The following HELB variants were observed in gnomAD, a reference collection of about 807,000 sequenced individuals.
HELB encodes the protein DNA 5'-3' helicase B.
A neutral mutation model predicts 101.7 loss-of-function variants in HELB; 96 were observed. The ratio of observed to expected loss-of-function variants is 0.94; its 90% CI spans 0.80 to 1.12. The LOEUF (loss-of-function observed/expected upper bound fraction) is 1.12, where lower values mean the gene tolerates loss of function less well. Ranked by LOEUF, HELB falls within the 50% of genes most tolerant of loss-of-function variation. HELB has a pLI of 0.00. For synonymous variants in HELB, 437 were observed against 459.7 expected (o/e 0.95, Z 0.63); for missense variants, 1,210 against 1,291.9 (o/e 0.94, Z 0.97).
intron 1 of HELB, 29 bp downstream of exon 1, chr12:66,302,819 G>C (rs1340132172): frequency 6.4e-7 from 1 of 1,568,870 alleles, no homozygotes; most frequent in Non-Finnish European, 8.7e-7. Flanking sequence ...CGGGGGATGG[G>C]GTTGGAGGGT....
intron 3 of HELB, among the ~76,000 whole-genome samples, chr12:66,308,187 C>T (rs1252789064): frequency 4.6e-5 from 7 of 152,088 alleles, no homozygotes; most frequent in African/African-American, 1.4e-4. Context: ...TTACTGCTTC[C>T]CACCCTAGCA....
chr12:66,327,115 A>G (rs899226418), intron 11 of HELB, among the ~76,000 whole-genome samples: 1 of 148,362 alleles, frequency 6.7e-6, no homozygotes, highest in African/African-American at 2.5e-5. Context: ...GTGAAAAATA[A>G]GGATGATAAA....
rs374925671 is a variant in HELB, at chr12:66,310,649, C to A, written c.1680+41C>A. 2.6e-6 allele frequency: 4 copies of A among 1,557,674 alleles called. No homozygotes were observed. The South Asian group carries it at 3.6e-5, about 14-fold the overall frequency. The stretch of plus-strand genomic sequence containing the variant: ...TTTCATCTGTAGATAAAACATTTGT[C>A]GGCCGGGCACAGTGGCTCACGCCTG... On this transcript the variant is annotated intron_variant, in intron 4 of 12. Coordinates refer to ENST00000247815, the MANE Select transcript of HELB (RefSeq NM_001370285.1).
chr12:66,314,802 G>T (rs2053583472), intron 5 of HELB, among the ~76,000 whole-genome samples: 1 of 152,024 alleles, frequency 6.6e-6, no homozygotes, highest in Non-Finnish European at 1.5e-5. Context: ...TTTGTTGCAT[G>T]CAAAAAATAT....
In HELB at chr12:66,310,518, G is replaced by A. The variant is rs754546915; in HGVS notation, c.1590G>A (p.Lys530=). The part of the protein sequence containing the change: ...FTEQSQLEAD[K]AIEVLLTAPT... The stretch of plus-strand genomic sequence containing the variant: ...AGCAAAGTCAACTAGAGGCGGACAA[G>A]GCTATAGAAGTTTTGCTCACAGCAC... The change falls in exon 4 of 13, where the codon AAG becomes AAA. Residue 530 remains lysine, a synonymous_variant. Coordinates refer to ENST00000247815, the MANE Select transcript of HELB (RefSeq NM_001370285.1). 1.2e-6 allele frequency: 2 copies of A among 1,614,236 alleles called. No individual in the cohort carries two copies. Among genetic ancestry groups the A allele is most frequent in the South Asian group, 2.2e-5 (2 of 91,088 alleles).
chr12:66,328,456 G>A (rs1210536689), intron 11 of HELB, among the ~76,000 whole-genome samples: 2 of 152,042 alleles, frequency 1.3e-5, no homozygotes, highest in Non-Finnish European at 1.5e-5. Flanking sequence ...CCAGCTACTC[G>A]GGGGTCTGAG....
intron 6 of HELB, among the ~76,000 whole-genome samples, chr12:66,316,074 A>G (rs2053601228): frequency 6.6e-6 from 1 of 152,172 alleles, no homozygotes; most frequent in South Asian, 2.1e-4. Flanking sequence ...TACCTTTTCT[A>G]TGTTTAAATA....
At chr12:66,317,186 G>T (rs575444410) in intron 6 of HELB, among the ~76,000 whole-genome samples, 1 of 150,032 alleles carries the variant, frequency 6.7e-6, no homozygotes, top group Non-Finnish European at 1.5e-5. Flanking sequence ...GATAGAGCGC[G>T]ACTCCATCTC....
chr12:66,320,873 A>G (rs1052014619), intron 7 of HELB, among the ~76,000 whole-genome samples: 1 of 152,232 alleles, frequency 6.6e-6, no homozygotes, highest in Non-Finnish European at 1.5e-5. Flanking sequence ...ATATCTTAGA[A>G]TCAATAAAAT....
chr12:66,331,578 C>A lies in HELB; in HGVS notation c.3095C>A (p.Pro1032Gln). 6.2e-7 allele frequency: 1 copy of A among 1,612,868 alleles called. No homozygotes were observed. Among genetic ancestry groups the A allele is most frequent in the South Asian group, 1.1e-5 (1 of 91,046 alleles). Reference sequence around the variant, plus strand: ...GGAGTAGATACAGATGATGATTTACCAAAATCGCGAGCATCCAAAAGAACC... The same window carrying A: ...GGAGTAGATACAGATGATGATTTACAAAAATCGCGAGCATCCAAAAGAACC... The part of the protein sequence containing the change: ...PDGVDTDDDL[P>Q]KSRASKRTCG... Residue 1032 changes from proline to glutamine, a missense_variant, in exon 12 of 13, where the codon CCA (proline) becomes CAA (glutamine). Physicochemically the swap from Pro to Gln is moderately conservative, Grantham distance 76. This residue lies in a region of HELB where 740 missense variants were observed against 728.8 expected (regional missense o/e 1.02). Coordinates refer to ENST00000247815, the MANE Select transcript of HELB (RefSeq NM_001370285.1).
At chr12:66,326,736 T>A (rs1339743303) in intron 11 of HELB, among the ~76,000 whole-genome samples, 6 of 140,290 alleles carry the variant, frequency 4.3e-5, no homozygotes, top group African/African-American at 1.6e-4. Context: ...TTTTTTTTTT[T>A]AAAGGTAAAA....
chr12:66,311,727 A>G (rs2053547277), intron 4 of HELB, among the ~76,000 whole-genome samples: 1 of 152,214 alleles, frequency 6.6e-6, no homozygotes, highest in African/African-American at 2.4e-5. Context: ...TAAAAATTTC[A>G]AATAAATTAA....
Position 66,309,963 on chromosome 12 carries a change from AT to A in HELB, c.1036del (p.Tyr346MetfsTer25). On this transcript the variant is annotated frameshift_variant, in exon 4 of 13. Coordinates refer to ENST00000247815, the MANE Select transcript of HELB (RefSeq NM_001370285.1). LOFTEE classifies it high-confidence loss of function. ...TTTTGAAGGATATTGGTGTGGTGAC[AT>A]ATGAGAAGTCCTGTGTCTTCCCTTA... is the stretch of plus-strand genomic sequence containing the variant. ...KFLKDIGVVT[Y>X]EKSCVFPYDL... 6.2e-7 allele frequency: 1 copy of A among 1,614,244 alleles called. No homozygotes were observed. The highest frequency in any genetic ancestry group is 8.5e-7 in the Non-Finnish European group (1 of 1,180,036).
At chr12:66,316,184 T>A (rs952897571) in intron 6 of HELB, among the ~76,000 whole-genome samples, 1 of 152,212 alleles carries the variant, frequency 6.6e-6, no homozygotes, top group Non-Finnish European at 1.5e-5. Flanking sequence ...AGCAATAGGC[T>A]GTACTATATA....
At position 66,305,119 on chromosome 12, in the gene HELB, C is replaced by T. The variant is rs897998558; in HGVS notation, c.576C>T (p.Asp192=). ...ATGGTCAGGAAGAGTTGTTCCTAGA[C>T]AATGAGATGAGTCTTCCTCTGGAAA... ...TQNGQEELFL[D]NEMSLPLENT... is the part of the protein sequence containing the mutation. Residue 192 remains aspartate, a synonymous_variant, in exon 2 of 13, where the codon GAC becomes GAT. Transcript: ENST00000247815. 3.2e-6 allele frequency: 5 copies of T among 1,573,994 alleles called. No individual in the cohort carries two copies. The African/African-American group carries it at 4.1e-5, about 13-fold the overall frequency.
intron 12 of HELB, 88 bp from the exon 13 acceptor site, chr12:66,337,913 T>C: frequency 1.3e-6 from 1 of 759,580 alleles, no homozygotes; most frequent in Non-Finnish European, 2.2e-6. Flanking sequence ...CATGATTTCT[T>C]TTTCTGAAGC....
chr12:66,311,384 G>T (rs2053543343), intron 4 of HELB, among the ~76,000 whole-genome samples: 1 of 152,040 alleles, frequency 6.6e-6, no homozygotes, highest in Admixed American at 6.6e-5. Flanking sequence ...ATTGTTTGAG[G>T]CTGTGAGGTC....
chr12:66,313,886 C>G, intron 4 of HELB, 100 bp from the exon 5 acceptor site: 1 of 990,326 alleles, frequency 1.0e-6, no homozygotes, highest in African/African-American at 1.6e-5. Flanking sequence ...CCCACCCACC[C>G]CTGCCAATTT....
In HELB at chr12:66,324,179, C is replaced by A; in HGVS notation, c.2494C>A (p.Leu832Met). 1 of 1,612,926 alleles carries A rather than the reference C, an allele frequency of 6.2e-7. No homozygotes were observed. The change falls in exon 10 of 13, where the codon CTG becomes ATG. Residue 832 changes from leucine (L) to methionine (M), a missense_variant. By Grantham distance (15) the Leu-to-Met change is conservative (BLOSUM62 2). Around this residue, in one of 2 missense-constraint regions of HELB, gnomAD observed 740 missense variants for 728.8 expected, o/e 1.02. Transcript: ENST00000247815. Reference sequence around the variant, plus strand: ...GCGTGACTTTGAAAGTAACGTTCGACTGTGCAATGGAGAGATATTTTTCAT... The same window carrying A: ...GCGTGACTTTGAAAGTAACGTTCGAATGTGCAATGGAGAGATATTTTTCAT... Reference protein sequence around the residue: ...NKRDFESNVRLCNGEIFFITN... With the variant: ...NKRDFESNVRMCNGEIFFITN...
Sources: gnomAD v4.1 joint callset for allele counts (sites outside exome capture counted in the v4.1 genomes callset) on GRCh38, gnomAD v4.1.1 for gene constraint, gnomAD v4.1.1 regional missense constraint, MANE v1.5 for transcripts, NCBI Gene and HGNC (gene_info 2026-07-23, HGNC 2026-07-21) for gene names.